The following ZNF407 variants were observed in gnomAD, a reference collection of about 807,000 sequenced individuals.
ZNF407 encodes the protein zinc finger protein 407.
In ZNF407, 17 loss-of-function variants were observed where a neutral mutation model predicts 131.2. That is an observed-to-expected ratio of 0.13 (90% CI 0.09 to 0.19). The LOEUF (loss-of-function observed/expected upper bound fraction) is 0.19. ZNF407 is among the 10% of genes least tolerant of loss of function. The pLI is 1.00. For synonymous variants in ZNF407, 1,156 were observed against 1,062.0 expected, an observed-to-expected ratio of 1.09 and a Z score of -1.72; for missense variants, 2,681 against 2,830.6, an observed-to-expected ratio of 0.95 and a Z score of 1.20.
chr18:74,645,949 A>G (rs1984955102), intron 3 of ZNF407, among the ~76,000 whole-genome samples: 1 of 152,202 alleles, frequency 6.6e-6, no homozygotes, highest in South Asian at 2.1e-4. Flanking sequence ...AATACATTAC[A>G]TTATTTAAAC....
intron 4 of ZNF407, among the ~76,000 whole-genome samples, chr18:74,848,235 C>T (rs997075843): frequency 2.0e-5 from 3 of 152,138 alleles, no homozygotes; most frequent in Admixed American, 2.0e-4. Flanking sequence ...AAGAACTGAG[C>T]AGTTGCTTGT....
At chr18:74,612,586 A>G (rs762764879) in intron 1 of ZNF407, among the ~76,000 whole-genome samples, 2 of 152,188 alleles carry the variant, frequency 1.3e-5, no homozygotes, top group Admixed American at 6.5e-5. Context: ...GTGTAGAGAT[A>G]TGAAAAAGAA....
intron 7 of ZNF407, among the ~76,000 whole-genome samples, chr18:74,893,669 A>G (rs2896870): frequency 0.38 from 58,149 of 151,590 alleles, 12,705 homozygotes; most frequent in African/African-American, 0.6. Flanking sequence ...ACATAAATGT[A>G]TTTGTTCACA....
At chr18:74,692,059 A>G (rs550563628) in intron 3 of ZNF407, among the ~76,000 whole-genome samples, 1 of 152,090 alleles carries the variant, frequency 6.6e-6, no homozygotes, top group South Asian at 2.1e-4. Context: ...GCGCCACTGC[A>G]CTCCATCCTG....
At chr18:74,650,251 A>T (rs1023295462) in intron 3 of ZNF407, among the ~76,000 whole-genome samples, 1 of 152,152 alleles carries the variant, frequency 6.6e-6, no homozygotes, top group East Asian at 1.9e-4. Context: ...TTCTTAGCTG[A>T]AAAGTTCCTT....
chr18:75,003,065 CAGTA>C (rs1972866762), intron 8 of ZNF407, among the ~76,000 whole-genome samples: 1 of 152,136 alleles, frequency 6.6e-6, no homozygotes, highest in African/African-American at 2.4e-5. Context: ...TATCTGAAAA[CAGTA>C]GGCATAGTGC....
At chr18:74,929,454 A>C (rs1460260944) in intron 8 of ZNF407, among the ~76,000 whole-genome samples, 1 of 152,210 alleles carries the variant, frequency 6.6e-6, no homozygotes, top group Non-Finnish European at 1.5e-5. Flanking sequence ...TCATTTATCA[A>C]AATTTTAAGG....
At chr18:74,727,591 G>A (rs1212337580) in intron 3 of ZNF407, among the ~76,000 whole-genome samples, 2 of 152,100 alleles carry the variant, frequency 1.3e-5, no homozygotes, top group African/African-American at 4.8e-5. Flanking sequence ...TTAGTGTTTT[G>A]CCACCAACTG....
At chr18:74,663,407 A>G (rs1985796931) in intron 3 of ZNF407, among the ~76,000 whole-genome samples, 1 of 152,208 alleles carries the variant, frequency 6.6e-6, no homozygotes, top group African/African-American at 2.4e-5. Flanking sequence ...TGGGAGGGAT[A>G]TATCATAGAG....
intron 3 of ZNF407, among the ~76,000 whole-genome samples, chr18:74,690,411 A>AT (rs1441756999): frequency 4.0e-5 from 6 of 151,838 alleles, no homozygotes; most frequent in African/African-American, 1.4e-4. Flanking sequence ...TTTGGGGGAA[A>AT]TGTCATCCAG....
chr18:74,842,590 T>C (rs1266610380), intron 4 of ZNF407, among the ~76,000 whole-genome samples: 1 of 76,734 alleles, frequency 1.3e-5, no homozygotes, highest in Non-Finnish European at 2.6e-5. Context: ...CTGGAAGTTT[T>C]TCCCTAGTGA....
intron 8 of ZNF407, among the ~76,000 whole-genome samples, chr18:75,056,244 T>A (rs1056636560): frequency 3.9e-5 from 6 of 152,244 alleles, no homozygotes; most frequent in Non-Finnish European, 8.8e-5. Context: ...CTAAAAATAA[T>A]TCTTAATCTT....
intron 8 of ZNF407, among the ~76,000 whole-genome samples, chr18:74,962,874 G>A (rs945157436): frequency 7.9e-5 from 12 of 152,356 alleles, no homozygotes; most frequent in African/African-American, 2.9e-4. Flanking sequence ...GGGTTTTGAT[G>A]AAAGAATTAA....
chr18:74,691,474 A>G (rs1391624662), intron 3 of ZNF407, among the ~76,000 whole-genome samples: 2 of 151,296 alleles, frequency 1.3e-5, no homozygotes, highest in East Asian at 3.9e-4. Flanking sequence ...TGTTTTTTAC[A>G]AATTTTATTG....
rs781457791 is a variant in ZNF407 at position 75,063,664 on chromosome 18, T to G, written c.5943T>G (p.Ala1981=). Residue 1981 remains alanine, a synonymous_variant, in exon 9 of 9, where the codon GCT becomes GCG. Transcript: ENST00000299687. The surrounding 1 kb of genome is among the most constrained non-coding windows in gnomAD (Gnocchi z 6.6). ...TAAACCTCTCGGAGGCTGGAGTCGC[T>G]CCCCCCGAGGCATCCTCAGCCCTGG... ...EILNLSEAGV[A]PPEASSALDA... The G allele has an allele frequency of 4.4e-6, 7 of 1,605,014 alleles. No individual in the cohort carries two copies. The African/African-American group carries it at 8.1e-5, about 19-fold the overall frequency.
intron 1 of ZNF407, among the ~76,000 whole-genome samples, chr18:74,620,843 C>T (rs1262001626): frequency 6.6e-6 from 1 of 152,124 alleles, no homozygotes; most frequent in Admixed American, 6.5e-5. Flanking sequence ...TCATTCGGCT[C>T]CGATGACCTG....
chr18:75,063,670 C>A lies in ZNF407; in HGVS notation c.5949C>A (p.Pro1983=), dbSNP rs770291929. The change falls in exon 9 of 9, where the codon CCC becomes CCA. Residue 1983 remains proline (P), a synonymous_variant. Coordinates refer to ENST00000299687, the MANE Select transcript of ZNF407 (RefSeq NM_017757.3). The surrounding 1 kb of genome is among the most constrained non-coding windows in gnomAD (Gnocchi z 6.6). ...LNLSEAGVAP[P]EASSALDALL... Reference sequence around the variant, plus strand: ...TCTCGGAGGCTGGAGTCGCTCCCCCCGAGGCATCCTCAGCCCTGGATGCAT... The same window carrying A: ...TCTCGGAGGCTGGAGTCGCTCCCCCAGAGGCATCCTCAGCCCTGGATGCAT... The A allele has an allele frequency of 1.9e-5, 30 of 1,609,318 alleles. No homozygotes were observed. The highest frequency in any genetic ancestry group is 3.4e-5 in the Admixed American group (2 of 59,504).
At chr18:74,609,337 T>A (rs1361956974) in intron 1 of ZNF407, among the ~76,000 whole-genome samples, 3 of 152,296 alleles carry the variant, frequency 2.0e-5, no homozygotes, top group African/African-American at 7.2e-5. Context: ...CAAACCTAGA[T>A]GGTGCAGCCT....
chr18:74,728,436 A>G (rs891724345), intron 3 of ZNF407, among the ~76,000 whole-genome samples: 15 of 152,198 alleles, frequency 9.9e-5, no homozygotes, highest in African/African-American at 3.1e-4. Flanking sequence ...GCATGACACA[A>G]GGAAGAGTTT....
Sources: allele counts gnomAD v4.1 joint callset (sites outside exome capture counted in the v4.1 genomes callset), GRCh38; gene constraint gnomAD v4.1.1; non-coding constraint Gnocchi (gnomAD v3.1); transcripts MANE v1.5; gene names NCBI Gene and HGNC (gene_info 2026-07-23, HGNC 2026-07-21).